MOXD1: variants seen among roughly 807,000 people sequenced by gnomAD.
The protein encoded by MOXD1 is monooxygenase DBH like 1.
MOXD1 carries 62 observed loss-of-function variants against 66.6 expected under a neutral mutation model. That is an observed-to-expected ratio of 0.93 (90% CI 0.76 to 1.15). MOXD1 has a LOEUF of 1.15. Ranked by LOEUF, MOXD1 falls within the 50% of genes most tolerant of loss-of-function variation. The pLI, the probability that MOXD1 is intolerant of heterozygous loss-of-function variation, is 0.00. For synonymous variants in MOXD1, 303 were observed against 281.9 expected (o/e 1.07, Z -0.75); for missense variants, 847 against 754.6 (o/e 1.12, Z -1.44).
intron 4 of MOXD1, among the ~76,000 whole-genome samples, chr6:132,358,094 C>T (rs1330010021): frequency 3.3e-5 from 5 of 152,212 alleles, no homozygotes; most frequent in South Asian, 2.1e-4. Context: ...AATGGGAAAA[C>T]GGATTCAGAA....
At chr6:132,310,400 A>G (rs1269733804) in intron 10 of MOXD1, among the ~76,000 whole-genome samples, 3 of 152,158 alleles carry the variant, frequency 2.0e-5, no homozygotes, top group Non-Finnish European at 4.4e-5. Context: ...GTTGGTCGGA[A>G]TGTAAATTAT....
intron 4 of MOXD1, among the ~76,000 whole-genome samples, chr6:132,331,827 T>C (rs553529649): frequency 6.6e-6 from 1 of 152,080 alleles, no homozygotes; most frequent in Non-Finnish European, 1.5e-5. Context: ...AGGAAGCGTG[T>C]TGGAGATGCA....
intron 6 of MOXD1, among the ~76,000 whole-genome samples, chr6:132,327,698 T>A (rs186447105): frequency 4.6e-5 from 7 of 152,298 alleles, no homozygotes; most frequent in African/African-American, 1.7e-4. Context: ...CACCATGTAT[T>A]GGGACTAATC....
chr6:132,393,386 C>A (rs1197804101), intron 1 of MOXD1, among the ~76,000 whole-genome samples: 1 of 152,092 alleles, frequency 6.6e-6, no homozygotes, highest in East Asian at 1.9e-4. Context: ...TGGAATTCAA[C>A]AGAGAAGTGA....
At chr6:132,309,832 C>A (rs1231529477) in intron 10 of MOXD1, among the ~76,000 whole-genome samples, 5 of 152,202 alleles carry the variant, frequency 3.3e-5, no homozygotes, top group African/African-American at 4.8e-5. Context: ...CCCTTCCTTA[C>A]ACCTTATACA....
chr6:132,401,393 G>T lies in MOXD1; in HGVS notation c.34C>A (p.Leu12Met). 1 of 1,528,902 alleles carries T rather than the reference G, an allele frequency of 6.5e-7. No homozygotes were observed. 94.7% of individuals were successfully genotyped at this position (1,528,902 alleles called of 1,614,324 possible). The change falls in exon 1 of 12, where the codon CTG becomes ATG. Residue 12 changes from leucine (L) to methionine (M), a missense_variant. Physicochemically the swap from Leu to Met is conservative, Grantham distance 15 (BLOSUM62 2). Transcript: ENST00000367963. ...CCWPLLLLWG[L>M]LPGTAAGGSG... ...CCCCCCGCCGCCGTCCCGGGGAGCA[G>T]CCCCCACAGCAGGAGCAGCGGCCAG...
intron 10 of MOXD1, among the ~76,000 whole-genome samples, chr6:132,308,818 C>T (rs988380793): frequency 5.3e-5 from 8 of 152,140 alleles, no homozygotes; most frequent in African/African-American, 1.9e-4. Flanking sequence ...TAAAATTCAA[C>T]ATCCCTTCAT....
intron 10 of MOXD1, among the ~76,000 whole-genome samples, chr6:132,303,006 C>T (rs1006468072): frequency 2.6e-5 from 4 of 152,048 alleles, no homozygotes; most frequent in Non-Finnish European, 4.4e-5. Context: ...AAACAAAGAA[C>T]GTTGGATTTA....
At chr6:132,327,013 T>G (rs532855554) in intron 6 of MOXD1, among the ~76,000 whole-genome samples, 2 of 152,330 alleles carry the variant, frequency 1.3e-5, no homozygotes, top group African/African-American at 4.8e-5. Flanking sequence ...GTAAAAATCC[T>G]TAATGGGTCC....
chr6:132,374,532 A>C, intron 2 of MOXD1, 99 bp downstream of exon 2: 1 of 1,070,122 alleles, frequency 9.3e-7, no homozygotes, highest in East Asian at 2.9e-5. Flanking sequence ...AAAATATTAG[A>C]AAAAAGACTA....
chr6:132,360,901 T>C (rs1776005656), intron 4 of MOXD1, among the ~76,000 whole-genome samples: 1 of 152,226 alleles, frequency 6.6e-6, no homozygotes, highest in Non-Finnish European at 1.5e-5. Context: ...ATCTGATTTC[T>C]GAAACATACC....
rs926738800 is a variant in MOXD1 at position 132,319,403 on chromosome 6, T to C, written c.1365+1226A>G. ...TCCATGAACACGGTATCTCTTACTGTCTTTAGGCATTCTTTTAATGTTTCC... is the reference window on the plus strand; with the variant it reads ...TCCATGAACACGGTATCTCTTACTGCCTTTAGGCATTCTTTTAATGTTTCC... On this transcript the variant is annotated intron_variant, in intron 9 of 11. Transcript: ENST00000367963. Among the ~76,000 whole-genome samples the C allele has an allele frequency of 2.6e-5, 4 of 152,106 alleles. No individual in the cohort carries two copies. The East Asian group carries it at 7.7e-4, about 29-fold the overall frequency.
intron 10 of MOXD1, among the ~76,000 whole-genome samples, chr6:132,305,118 C>T (rs1774658255): frequency 6.6e-6 from 1 of 152,202 alleles, no homozygotes; most frequent in South Asian, 2.1e-4. Flanking sequence ...TACTAAGCTC[C>T]CTGGGCGAGG....
chr6:132,396,858 T>A (rs1373080996), intron 1 of MOXD1, among the ~76,000 whole-genome samples: 1 of 152,184 alleles, frequency 6.6e-6, no homozygotes, highest in Non-Finnish European at 1.5e-5. Context: ...CAACAATCAG[T>A]AATGAGATTG....
In MOXD1 at chr6:132,328,464, G is replaced by A; in HGVS notation, c.794C>T (p.Ala265Val). The A allele has an allele frequency of 1.2e-6, 2 of 1,614,170 alleles. No individual in the cohort carries two copies. Among genetic ancestry groups the A allele is most frequent in the Non-Finnish European group, 1.7e-6 (2 of 1,180,022 alleles). ...HECYHPNMPD[A>V]FLTCETVIFA... ...AATCACAGTTTCACAGGTGAGGAAT[G>A]CATCGGGCATGTTGGGGTGATAGCA... Residue 265 changes from alanine to valine, a missense_variant, in exon 5 of 12, where the codon GCA becomes GTA. Coordinates refer to ENST00000367963, the MANE Select transcript of MOXD1 (RefSeq NM_015529.4).
intron 1 of MOXD1, among the ~76,000 whole-genome samples, chr6:132,393,468 G>A (rs768534613): frequency 1.6e-4 from 24 of 152,312 alleles, no homozygotes; most frequent in Middle Eastern, 3.4e-3. Context: ...CTGGGAGCCC[G>A]GAGAGGCTCC....
intron 4 of MOXD1, among the ~76,000 whole-genome samples, chr6:132,363,437 C>T (rs933025334): frequency 1.3e-5 from 2 of 152,044 alleles, no homozygotes; most frequent in Non-Finnish European, 2.9e-5. Flanking sequence ...ACTTAAAGAA[C>T]TCATGGCTGG....
chr6:132,384,282 CTTCCT>C (rs1776578594), intron 1 of MOXD1, among the ~76,000 whole-genome samples: 1 of 78,674 alleles, frequency 1.3e-5, no homozygotes, highest in Admixed American at 1.4e-4. Flanking sequence ...TCCTTCCTTC[CTTCCT>C]TCCTCCTTCC....
intron 11 of MOXD1, 33 bp downstream of exon 11, chr6:132,297,754 C>T (rs369070047): frequency 6.4e-7 from 1 of 1,558,672 alleles, no homozygotes; most frequent in African/African-American, 1.4e-5. Context: ...TAAAATGTGT[C>T]ATCTGGGTTG....
Sources: allele counts gnomAD v4.1 joint callset (sites outside exome capture counted in the v4.1 genomes callset), GRCh38; gene constraint gnomAD v4.1.1; transcripts MANE v1.5; gene names NCBI Gene and HGNC (gene_info 2026-07-23, HGNC 2026-07-21).